The following STXBP5L variants were observed in gnomAD, a reference collection of about 807,000 sequenced individuals.
The protein encoded by STXBP5L is syntaxin-binding protein 5-like.
A neutral mutation model predicts 144.5 loss-of-function variants in STXBP5L; 65 were observed. The observed-to-expected ratio is 0.45, with a 90% CI of 0.37 to 0.55. The LOEUF (loss-of-function observed/expected upper bound fraction) is 0.55. Ranked by LOEUF, STXBP5L falls within the 20% of genes least tolerant of loss-of-function variation. STXBP5L has a pLI of 0.00. For synonymous variants in STXBP5L, 505 were observed against 469.6 expected, an observed-to-expected ratio of 1.08 and a Z score of -0.97; for missense variants, 1,298 against 1,405.5, an observed-to-expected ratio of 0.92 and a Z score of 1.22.
At chr3:121,106,017 T>G (rs2043685383) in intron 5 of STXBP5L, among the ~76,000 whole-genome samples, 1 of 152,102 alleles carries the variant, frequency 6.6e-6, no homozygotes, top group African/African-American at 2.4e-5. Context: ...TGAGAAAAAT[T>G]TATTTATTTT....
intron 5 of STXBP5L, among the ~76,000 whole-genome samples, chr3:121,084,711 G>C (rs2042407936): frequency 6.6e-6 from 1 of 151,970 alleles, no homozygotes; most frequent in Non-Finnish European, 1.5e-5. Flanking sequence ...ACATTCCTTT[G>C]GATATATACC....
intron 20 of STXBP5L, among the ~76,000 whole-genome samples, chr3:121,340,888 T>A (rs551313757): frequency 6.6e-6 from 1 of 152,166 alleles, no homozygotes; most frequent in Non-Finnish European, 1.5e-5. Context: ...TTTTTATTAG[T>A]TTTCTCTTTG....
intron 3 of STXBP5L, among the ~76,000 whole-genome samples, chr3:121,002,372 A>G (rs1943856009): frequency 6.6e-6 from 1 of 152,050 alleles, no homozygotes; most frequent in African/African-American, 2.4e-5. Context: ...ATATCTATTC[A>G]GGTCATTTGC....
chr3:121,010,739 C>T (rs1011943138), intron 3 of STXBP5L, among the ~76,000 whole-genome samples: 2 of 151,458 alleles, frequency 1.3e-5, no homozygotes, highest in African/African-American at 2.4e-5. Flanking sequence ...CGTATAATAA[C>T]GGAAGCTAGA....
chr3:121,202,779 A>C (rs561050044), intron 9 of STXBP5L, among the ~76,000 whole-genome samples: 3 of 152,090 alleles, frequency 2.0e-5, no homozygotes, highest in African/African-American at 7.2e-5. Flanking sequence ...TGTTAATCTT[A>C]ATAGGGTTCT....
At chr3:121,123,050 A>T (rs765134879) in intron 7 of STXBP5L, among the ~76,000 whole-genome samples, 1 of 151,594 alleles carries the variant, frequency 6.6e-6, no homozygotes, top group Non-Finnish European at 1.5e-5. Flanking sequence ...AGATGATTTT[A>T]AGAGTTGATG....
At chr3:121,136,340 C>G (rs1018961522) in intron 7 of STXBP5L, among the ~76,000 whole-genome samples, 1 of 152,158 alleles carries the variant, frequency 6.6e-6, no homozygotes, top group South Asian at 2.1e-4. Flanking sequence ...GACTGATATG[C>G]ACAGGCAGAG....
intron 20 of STXBP5L, among the ~76,000 whole-genome samples, chr3:121,360,599 G>A (rs1242318941): frequency 1.3e-5 from 2 of 151,954 alleles, no homozygotes; most frequent in African/African-American, 4.8e-5. Context: ...TGAGGCATGC[G>A]AATACTATCT....
At chr3:121,152,775 C>T (rs13067518) in intron 8 of STXBP5L, among the ~76,000 whole-genome samples, 2,964 of 152,164 alleles carry the variant, frequency 0.019, 46 homozygotes, top group Non-Finnish European at 0.029. Flanking sequence ...TCGGGGCCCT[C>T]TTGTGGCATC....
chr3:121,185,183 A>G (rs2047324891), intron 9 of STXBP5L, among the ~76,000 whole-genome samples: 1 of 152,154 alleles, frequency 6.6e-6, no homozygotes, highest in African/African-American at 2.4e-5. Flanking sequence ...TAGATTCTAC[A>G]ATTGTAGATA....
chr3:120,992,603 C>G (rs996778821), intron 3 of STXBP5L, among the ~76,000 whole-genome samples: 3 of 152,206 alleles, frequency 2.0e-5, no homozygotes, highest in Non-Finnish European at 2.9e-5. Context: ...ACGTGCAGTT[C>G]TATCCATGCT....
intron 25 of STXBP5L, among the ~76,000 whole-genome samples, chr3:121,417,226 T>A (rs2047259107): frequency 6.6e-6 from 1 of 152,188 alleles, no homozygotes; most frequent in Non-Finnish European, 1.5e-5. Flanking sequence ...GTTATGTGTA[T>A]GTTCTGCAAT....
chr3:121,299,319 C>A (rs908114116), intron 19 of STXBP5L, among the ~76,000 whole-genome samples: 2 of 151,898 alleles, frequency 1.3e-5, no homozygotes, highest in African/African-American at 4.8e-5. Flanking sequence ...TCATAGAAAC[C>A]TTGAGGATAA....
At chr3:120,974,091 G>A (rs1940630066) in intron 3 of STXBP5L, among the ~76,000 whole-genome samples, 1 of 152,112 alleles carries the variant, frequency 6.6e-6, no homozygotes, top group African/African-American at 2.4e-5. Flanking sequence ...GGTATTTCTA[G>A]TTCTAGATCC....
chr3:121,006,743 C>T (rs956703027), intron 3 of STXBP5L, among the ~76,000 whole-genome samples: 5 of 152,104 alleles, frequency 3.3e-5, no homozygotes, highest in Non-Finnish European at 7.4e-5. Flanking sequence ...TAGGGCAGGC[C>T]TGGTGGTGAC....
At chr3:121,268,772 G>A (rs993546703) in intron 18 of STXBP5L, among the ~76,000 whole-genome samples, 4 of 152,072 alleles carry the variant, frequency 2.6e-5, no homozygotes, top group African/African-American at 9.6e-5. Context: ...TTAGCAGCCG[G>A]CCAAAAGACC....
chr3:121,021,852 G>A (rs1245537014), intron 3 of STXBP5L, among the ~76,000 whole-genome samples: 2 of 151,952 alleles, frequency 1.3e-5, no homozygotes, highest in Admixed American at 1.3e-4. Flanking sequence ...CACACCTCAA[G>A]AAACTAGAGA....
At chr3:121,170,526 C>T (rs1351080193) in intron 9 of STXBP5L, among the ~76,000 whole-genome samples, 1 of 152,140 alleles carries the variant, frequency 6.6e-6, no homozygotes, top group Non-Finnish European at 1.5e-5. Flanking sequence ...ACTGATCTCA[C>T]AAAAATACAA....
intron 5 of STXBP5L, among the ~76,000 whole-genome samples, chr3:121,110,898 C>T (rs1417421877): frequency 3.9e-5 from 6 of 152,098 alleles, no homozygotes; most frequent in Non-Finnish European, 8.8e-5. Flanking sequence ...TTACATAACC[C>T]CATAGGTCCT....
Sources: gnomAD v4.1 joint callset for allele counts (sites outside exome capture counted in the v4.1 genomes callset) on GRCh38, gnomAD v4.1.1 for gene constraint, MANE v1.5 for transcripts, NCBI Gene and HGNC (gene_info 2026-07-23, HGNC 2026-07-21) for gene names.